Variants in CNST observed in about 807,000 individuals in gnomAD.
The protein encoded by CNST is consortin.
A neutral mutation model predicts 72.4 loss-of-function variants in CNST; 39 were observed. The ratio of observed to expected loss-of-function variants is 0.54; its 90% CI spans 0.42 to 0.70. The LOEUF is 0.70. CNST is among the 30% of genes least tolerant of loss of function. The pLI is 0.00. For synonymous variants in CNST, 332 were observed against 320.1 expected (o/e 1.04, Z -0.40); for missense variants, 871 against 868.5 (o/e 1.00, Z -0.04).
chr1:246,590,801 A>G (rs1661496673), intron 1 of CNST, among the ~76,000 whole-genome samples: 1 of 151,732 alleles, frequency 6.6e-6, no homozygotes, highest in African/African-American at 2.4e-5. Flanking sequence ...GTATCCTTCA[A>G]GCAGATTTAG....
At position 246,643,309 on chromosome 1, in the gene CNST, T is replaced by TC. The variant is rs1159057149; in HGVS notation, c.937+1274dup. Among the ~76,000 whole-genome samples, 10 of 152,352 alleles carry TC rather than the reference T, an allele frequency of 6.6e-5. No homozygotes were observed. The East Asian group carries it at 1.9e-3, about 29-fold the overall frequency. ...GGTCAGTCCTACTAGACTCTGTTCT[T>TC]CCGTCTTTTCCAGTCATTTTTATAT... On this transcript the variant is annotated intron_variant, in intron 8 of 10. Coordinates refer to ENST00000366513, the MANE Select transcript of CNST (RefSeq NM_152609.3).
intron 8 of CNST, among the ~76,000 whole-genome samples, chr1:246,642,685 GT>G (rs922988395): frequency 3.4e-5 from 5 of 148,414 alleles, no homozygotes; most frequent in African/African-American, 1.2e-4. Context: ...ATGTTTTAGG[GT>G]TTTTTTCCCT....
intron 1 of CNST, among the ~76,000 whole-genome samples, chr1:246,587,098 G>A (rs1661245001): frequency 1.3e-5 from 2 of 152,132 alleles, no homozygotes; most frequent in African/African-American, 4.8e-5. Flanking sequence ...TTATATATAT[G>A]TAATAAACTT....
chr1:246,662,987 TAATG>T (rs1330774629), intron 10 of CNST, among the ~76,000 whole-genome samples: 1 of 152,170 alleles, frequency 6.6e-6, no homozygotes, highest in East Asian at 1.9e-4. Context: ...GAATATATGA[TAATG>T]AAGAAAAATA....
chr1:246,568,419 A>G (rs1417672236), intron 1 of CNST, among the ~76,000 whole-genome samples: 1 of 152,112 alleles, frequency 6.6e-6, no homozygotes, highest in African/African-American at 2.4e-5. Context: ...ATTTTTGTAC[A>G]TCTTATTTTT....
intron 8 of CNST, among the ~76,000 whole-genome samples, chr1:246,646,550 A>C (rs34385126): frequency 0.13 from 20,521 of 152,046 alleles, 2,063 homozygotes; most frequent in African/African-American, 0.28. Context: ...GCGTGATCTC[A>C]GGTAACCGCA....
chr1:246,648,037 G>A lies in CNST; in HGVS notation c.1836G>A (p.Glu612=). ...TTGCCAAAAGGATAGAGATTGCAGA[G>A]GTAAATCAGAGATGAAGTACAATTA... is the stretch of plus-strand genomic sequence containing the variant. The part of the protein sequence containing the change: ...DDLAKRIEIA[E]VVPTEGLVSI... Residue 612 remains glutamate, a splice_region_variant and synonymous_variant, in exon 9 of 11, where the codon GAG becomes GAA. Transcript: ENST00000366513. The A allele has an allele frequency of 6.3e-7, 1 of 1,593,294 alleles. No individual in the cohort carries two copies. The highest frequency in any genetic ancestry group is 1.8e-5 in the Admixed American group (1 of 55,744).
At chr1:246,619,550 G>C (rs2103073827) in intron 2 of CNST, among the ~76,000 whole-genome samples, 1 of 152,274 alleles carries the variant, frequency 6.6e-6, no homozygotes, top group Non-Finnish European at 1.5e-5. Context: ...CTGCAACCTA[G>C]CGTCATACGA....
At chr1:246,614,807 A>G (rs1362358275) in intron 2 of CNST, among the ~76,000 whole-genome samples, 1 of 151,922 alleles carries the variant, frequency 6.6e-6, no homozygotes, top group Non-Finnish European at 1.5e-5. Context: ...TTACTTACTA[A>G]CTAGAGTACC....
At chr1:246,621,777 T>C in intron 3 of CNST, 143 bp downstream of exon 3, 3 of 725,372 alleles carry the variant, frequency 4.1e-6, no homozygotes, top group Non-Finnish European at 7.1e-6. Flanking sequence ...GGTGGATGGC[T>C]TGAGCTCAGG....
chr1:246,664,327 G>T (rs773015057), intron 10 of CNST, among the ~76,000 whole-genome samples: 1 of 152,204 alleles, frequency 6.6e-6, no homozygotes, highest in African/African-American at 2.4e-5. Flanking sequence ...CTTAAAGGTG[G>T]ATTTGCTGGG....
intron 10 of CNST, among the ~76,000 whole-genome samples, chr1:246,663,362 G>C (rs1667219133): frequency 6.7e-6 from 1 of 149,574 alleles, no homozygotes; most frequent in Admixed American, 6.7e-5. Flanking sequence ...AGAAAGACAA[G>C]ACCGAACTGT....
intron 1 of CNST, among the ~76,000 whole-genome samples, chr1:246,573,405 C>G (rs1475592429): frequency 2.0e-5 from 3 of 152,200 alleles, no homozygotes; most frequent in African/African-American, 7.2e-5. Context: ...TTCACCAAAG[C>G]TCATCTTTTC....
intron 6 of CNST, among the ~76,000 whole-genome samples, chr1:246,636,679 G>GTGAA (rs1330245104): frequency 1.3e-5 from 2 of 152,180 alleles, no homozygotes; most frequent in Admixed American, 6.5e-5. Context: ...TCCAATTTTG[G>GTGAA]TGAAGCAAAG....
rs1667377203 is a variant in CNST, at chr1:246,666,034, C to T, written c.*129C>T. On this transcript the variant is annotated 3_prime_UTR_variant, in exon 11 of 11. Coordinates refer to ENST00000366513, the MANE Select transcript of CNST (RefSeq NM_152609.3). Reference sequence around the variant, plus strand: ...TAGGAACCAAGGACATCAGAAATAGCAACTTTAAGTGGCAAGCCGGAGGAA... The same window carrying T: ...TAGGAACCAAGGACATCAGAAATAGTAACTTTAAGTGGCAAGCCGGAGGAA... The T allele has an allele frequency of 4.6e-6, 3 of 655,742 alleles. No individual in the cohort carries two copies. Among genetic ancestry groups the T allele is most frequent in the Non-Finnish European group, 7.8e-6 (3 of 386,794 alleles). 40.6% of individuals were successfully genotyped at this position (655,742 alleles called of 1,614,324 possible).
chr1:246,664,592 G>C (rs542763573), intron 10 of CNST, among the ~76,000 whole-genome samples: 1 of 151,914 alleles, frequency 6.6e-6, no homozygotes, highest in Non-Finnish European at 1.5e-5. Context: ...ACGCCCAGCT[G>C]ATTTTTTATA....
At position 246,581,004 on chromosome 1, in the gene CNST, G is replaced by T. The variant is rs183715185; in HGVS notation, c.-51-10508G>T. Among the ~76,000 whole-genome samples the T allele has an allele frequency of 5.3e-3, 803 of 152,148 alleles. 8 individuals are homozygous for T. The highest frequency in any genetic ancestry group is 1.0e-2 in the Non-Finnish European group (677 of 67,998). Reference sequence around the variant, plus strand: ...TCCCCCCACCTTGGCTTCCCAAAGTGCTGGGATTACAGGCATGCGCCACCA... The same window carrying T: ...TCCCCCCACCTTGGCTTCCCAAAGTTCTGGGATTACAGGCATGCGCCACCA... On this transcript the variant is annotated intron_variant, in intron 1 of 10. Coordinates refer to ENST00000366513, the MANE Select transcript of CNST (RefSeq NM_152609.3).
At chr1:246,604,816 G>A (rs1278374865) in intron 2 of CNST, among the ~76,000 whole-genome samples, 2 of 151,724 alleles carry the variant, frequency 1.3e-5, no homozygotes, top group African/African-American at 4.9e-5. Context: ...TTACAGGCAT[G>A]CACCACCATG....
rs1491252940 is a variant in CNST at position 246,642,132 on chromosome 1, G to GTTTTTTTTTTTTTTTTTTTTTTTTTTTTT, written c.937+95_937+96insTTTTTTTTTTTTTTTTTTTTTTTTTTTTT. 2.4e-4 allele frequency: 46 copies of GTTTTTTTTTTTTTTTTTTTTTTTTTTTTT among 193,278 alleles called. 13 individuals are homozygous for GTTTTTTTTTTTTTTTTTTTTTTTTTTTTT. Among genetic ancestry groups the GTTTTTTTTTTTTTTTTTTTTTTTTTTTTT allele is most frequent in the African/African-American group, 2.1e-3 (39 of 18,772 alleles). The allele number at this position is 193,278 out of a possible 1,614,324, so 12.0% of individuals were successfully genotyped here. On this transcript the variant is annotated intron_variant, in intron 8 of 10. Coordinates refer to ENST00000366513, the MANE Select transcript of CNST (RefSeq NM_152609.3). Reference sequence around the variant, plus strand: ...ACATCTGAATTGCTGCAAAGGATCTGGTTTTTTTTTTTTTTTTTTTTTGCA... The same window carrying GTTTTTTTTTTTTTTTTTTTTTTTTTTTTT: ...ACATCTGAATTGCTGCAAAGGATCTGTTTTTTTTTTTTTTTTTTTTTTTTTTTTTGTTTTTTTTTTTTTTTTTTTTTGCA...
Sources: gnomAD v4.1 joint callset for allele counts (sites outside exome capture counted in the v4.1 genomes callset) on GRCh38, gnomAD v4.1.1 for gene constraint, MANE v1.5 for transcripts, NCBI Gene and HGNC (gene_info 2026-07-23, HGNC 2026-07-21) for gene names.